LIFR: variants seen among roughly 807,000 people sequenced by gnomAD.
LIFR encodes leukemia inhibitory factor receptor.
LIFR carries 84 observed loss-of-function variants against 122.2 expected under a neutral mutation model. That is an observed-to-expected ratio of 0.69 (90% CI 0.58 to 0.82). The LOEUF is 0.82. Ranked by LOEUF, LIFR falls within the 40% of genes least tolerant of loss-of-function variation. The pLI is 0.00. For synonymous variants in LIFR, 422 were observed against 434.7 expected (o/e 0.97, Z 0.36); for missense variants, 1,294 against 1,311.6 (o/e 0.99, Z 0.21).
chr5:38,595,194 G>A (rs1052387591), intron 1 of LIFR: 1 of 163,336 alleles, frequency 6.1e-6, no homozygotes, highest in Non-Finnish European at 1.3e-5. Flanking sequence ...CTAAAGGGGG[G>A]ACAGGTCTAA....
chr5:38,539,192 G>A lies in LIFR; in HGVS notation c.-19-8526C>T, dbSNP rs563377552. Among the ~76,000 whole-genome samples, 6 of 152,120 alleles carry A rather than the reference G, an allele frequency of 3.9e-5. No individual in the cohort carries two copies. In the South Asian group the frequency reaches 6.2e-4, roughly 16 times the overall value. ...TCTCGATCTCCTGACCTAGTGATCC[G>A]CCTGCCTCGGCCTCCCAAAGTGCTG... On this transcript the variant is annotated intron_variant, in intron 1 of 19. Transcript: ENST00000453190.
intron 1 of LIFR, among the ~76,000 whole-genome samples, chr5:38,571,933 C>T (rs189020259): frequency 1.0e-3 from 153 of 152,236 alleles, no homozygotes; most frequent in African/African-American, 3.1e-3. Flanking sequence ...ACTTTCAAAC[C>T]GAAGGTCAAT....
At chr5:38,537,676 A>AG (rs1383329293) in intron 1 of LIFR, among the ~76,000 whole-genome samples, 2 of 151,188 alleles carry the variant, frequency 1.3e-5, no homozygotes, top group African/African-American at 2.4e-5. Context: ...TAAAAAAAAA[A>AG]ATTATTCTGT....
At chr5:38,535,309 G>A (rs573463698) in intron 1 of LIFR, among the ~76,000 whole-genome samples, 1 of 152,272 alleles carries the variant, frequency 6.6e-6, no homozygotes, top group Non-Finnish European at 1.5e-5. Context: ...CCTAGCAGGA[G>A]GTATGTTTGT....
chr5:38,522,444 T>G lies in LIFR; in HGVS notation c.561+975A>C, dbSNP rs552398662. On this transcript the variant is annotated intron_variant, in intron 5 of 19. Transcript: ENST00000453190. Reference sequence around the variant, plus strand: ...TCTTGGTTCTTCTTTGTAGAGAAGTTGAGTACGAGGTGCCTCTAGTCAGCC... The same window carrying G: ...TCTTGGTTCTTCTTTGTAGAGAAGTGGAGTACGAGGTGCCTCTAGTCAGCC... 2.6e-5 allele frequency among the ~76,000 whole-genome samples: 4 copies of G among 152,340 alleles called. No homozygotes were observed. In the South Asian group the frequency reaches 6.2e-4, roughly 24 times the overall value.
chr5:38,531,890 C>T (rs1346557115), intron 1 of LIFR, among the ~76,000 whole-genome samples: 1 of 152,192 alleles, frequency 6.6e-6, no homozygotes, highest in East Asian at 1.9e-4. Flanking sequence ...CCATAACATG[C>T]AAAAGGCGTG....
intron 7 of LIFR, among the ~76,000 whole-genome samples, chr5:38,508,065 A>G (rs1448199071): frequency 1.3e-5 from 2 of 152,204 alleles, no homozygotes; most frequent in African/African-American, 2.4e-5. Flanking sequence ...GATTTGGTAG[A>G]TATTAAGTTG....
chr5:38,495,756 C>G (rs1744843659), intron 13 of LIFR, among the ~76,000 whole-genome samples: 1 of 152,160 alleles, frequency 6.6e-6, no homozygotes, highest in Non-Finnish European at 1.5e-5. Context: ...AAGCTCATAA[C>G]TCTCAAAGTT....
At chr5:38,531,900 G>A (rs1034048532) in intron 1 of LIFR, among the ~76,000 whole-genome samples, 1 of 152,180 alleles carries the variant, frequency 6.6e-6, no homozygotes, top group African/African-American at 2.4e-5. Context: ...CAAAAGGCGT[G>A]AGCACACATT....
intron 13 of LIFR, among the ~76,000 whole-genome samples, chr5:38,494,619 G>A (rs920034113): frequency 6.6e-6 from 1 of 152,162 alleles, no homozygotes; most frequent in African/African-American, 2.4e-5. Context: ...GGTCAAAAGG[G>A]AGAAGAAAAT....
chr5:38,490,390 C>A, intron 14 of LIFR, 99 bp from the exon 15 acceptor site: 1 of 533,270 alleles, frequency 1.9e-6, no homozygotes, highest in Non-Finnish European at 3.4e-6. Context: ...ATTTCCAAAG[C>A]TAATTTTAAA....
upstream of LIFR, among the ~76,000 whole-genome samples, chr5:38,596,061 C>T (rs1029092961): frequency 6.6e-6 from 1 of 152,142 alleles, no homozygotes; most frequent in African/African-American, 2.4e-5. Flanking sequence ...TAGCAGCCTG[C>T]TTCATGAGAT....
chr5:38,517,931 C>A (rs1223206657), intron 5 of LIFR, among the ~76,000 whole-genome samples: 3 of 128,812 alleles, frequency 2.3e-5, no homozygotes, highest in Admixed American at 1.7e-4. Flanking sequence ...AAAGTGAGAC[C>A]CCATCTCTAT....
intron 5 of LIFR, among the ~76,000 whole-genome samples, chr5:38,517,513 C>T (rs951470543): frequency 6.6e-5 from 10 of 152,056 alleles, no homozygotes; most frequent in African/African-American, 1.4e-4. Flanking sequence ...GATTAACAGA[C>T]AAGACTTGCC....
At chr5:38,567,614 C>T (rs906482361) in intron 1 of LIFR, among the ~76,000 whole-genome samples, 3 of 151,510 alleles carry the variant, frequency 2.0e-5, no homozygotes, top group Admixed American at 6.6e-5. Flanking sequence ...CTGGAACCTC[C>T]GCCTCTTGGG....
Position 38,493,794 on chromosome 5 carries a change from A to C in LIFR, c.1886-9T>G. The C allele has an allele frequency of 6.2e-7, 1 of 1,611,368 alleles. No homozygotes were observed. Among genetic ancestry groups the C allele is most frequent in the South Asian group, 1.1e-5 (1 of 91,030 alleles). On this transcript the variant is annotated splice_polypyrimidine_tract_variant and intron_variant, in intron 13 of 19. Coordinates refer to ENST00000453190, the MANE Select transcript of LIFR (RefSeq NM_001127671.2). ...TTCTATTTTGAGATCATCTTCAATA[A>C]GAAAGGAGGATATTTTACTGGCATT...
intron 16 of LIFR, among the ~76,000 whole-genome samples, chr5:38,488,472 C>T (rs1744404154): frequency 6.6e-6 from 1 of 152,216 alleles, no homozygotes; most frequent in African/African-American, 2.4e-5. Flanking sequence ...ATCTGATTCT[C>T]AGCAGAAACA....
intron 5 of LIFR, among the ~76,000 whole-genome samples, chr5:38,517,408 G>A (rs1470439249): frequency 6.6e-6 from 1 of 152,066 alleles, no homozygotes; most frequent in Admixed American, 6.6e-5. Context: ...AATGCAAAAT[G>A]TTAGGCCATA....
intron 5 of LIFR, among the ~76,000 whole-genome samples, chr5:38,517,111 T>C (rs1046808196): frequency 2.6e-5 from 4 of 152,014 alleles, no homozygotes; most frequent in Admixed American, 1.3e-4. Context: ...ATGTAGATGA[T>C]GGATTGATGA....
Sources: gnomAD v4.1 joint callset for allele counts (sites outside exome capture counted in the v4.1 genomes callset) on GRCh38, gnomAD v4.1.1 for gene constraint, MANE v1.5 for transcripts, NCBI Gene and HGNC (gene_info 2026-07-23, HGNC 2026-07-21) for gene names.